The following ZNF653 variants were observed in gnomAD, a reference collection of about 807,000 sequenced individuals.
ZNF653 encodes the protein zinc finger protein 653, also known as 67 kDa zinc finger protein.
A neutral mutation model predicts 59.9 loss-of-function variants in ZNF653; 37 were observed. That is an observed-to-expected ratio of 0.62 (90% CI 0.48 to 0.81). ZNF653 has a LOEUF of 0.81. ZNF653 is among the 40% of genes least tolerant of loss of function. The pLI is 0.00. For missense variants in ZNF653, 808 were observed against 881.1 expected (o/e 0.92, Z 1.05); for synonymous variants, 435 against 371.8 (o/e 1.17, Z -1.96).
chr19:11,487,998 A>ATTTATTTTTTTTT lies in ZNF653; in HGVS notation c.560-96_560-95insAAAAAAAAATAAA. 1 of 1,125,652 alleles carries ATTTATTTTTTTTT rather than the reference A, an allele frequency of 8.9e-7. No individual in the cohort carries two copies. Among genetic ancestry groups the ATTTATTTTTTTTT allele is most frequent in the African/African-American group, 1.8e-5 (1 of 56,146 alleles). The allele number at this position is 1,125,652 out of a possible 1,614,324, so 69.7% of individuals were successfully genotyped here. A position where few individuals can be genotyped will look rare whatever the true frequency, so the allele number is the denominator to read the frequency against. On this transcript the variant is annotated intron_variant, in intron 3 of 8. Transcript: ENST00000293771. The surrounding 1 kb of genome is among the most constrained non-coding windows in gnomAD (Gnocchi z 5.1). The stretch of plus-strand genomic sequence containing the variant: ...TTTTATTTTATTTATTTATTTATTT[A>ATTTATTTTTTTTT]TTTTTTTGAGACAGAGTCTCACTCT...
intron 3 of ZNF653, among the ~76,000 whole-genome samples, chr19:11,490,099 G>A (rs1234141013): frequency 6.6e-6 from 1 of 152,218 alleles, no homozygotes; most frequent in Non-Finnish European, 1.5e-5. Context: ...TACCCTGTAT[G>A]TCTGACCAAT....
rs144312920 is a variant in ZNF653 at position 11,488,842 on chromosome 19, C to T, written c.560-939G>A. ...CGATCTCCTGACCTTATGATCCGCCCACCTCGGCCTCCGAAAGTGCTGGGA... is the reference window on the plus strand; with the variant it reads ...CGATCTCCTGACCTTATGATCCGCCTACCTCGGCCTCCGAAAGTGCTGGGA... On this transcript the variant is annotated intron_variant, in intron 3 of 8. Coordinates refer to ENST00000293771, the MANE Select transcript of ZNF653 (RefSeq NM_138783.4). Among the ~76,000 whole-genome samples the T allele has an allele frequency of 3.3e-5, 5 of 151,906 alleles. No homozygotes were observed. The East Asian group carries it at 9.7e-4, about 29-fold the overall frequency.
chr19:11,493,646 C>T (rs1426804544), intron 3 of ZNF653, among the ~76,000 whole-genome samples: 1 of 152,182 alleles, frequency 6.6e-6, no homozygotes, highest in Admixed American at 6.5e-5. Flanking sequence ...CCAGAGCACG[C>T]GTCTGGGTCC....
intron 7 of ZNF653, 53 bp from the exon 8 acceptor site, chr19:11,484,194 A>C: frequency 7.3e-7 from 1 of 1,363,224 alleles, no homozygotes; most frequent in Non-Finnish European, 1.0e-6. Context: ...GGTGTCTCTG[A>C]TGTGCTGCAG....
chr19:11,484,215 T>TCCTTCTAGCATC, intron 7 of ZNF653, 74 bp from the exon 8 acceptor site: 3 of 1,184,082 alleles, frequency 2.5e-6, no homozygotes, highest in Non-Finnish European at 3.7e-6. Context: ...ACTCTGATGC[T>TCCTTCTAGCATC]AGAAGGAGCA....
chr19:11,502,204 GC>G (rs1291367064), intron 1 of ZNF653, among the ~76,000 whole-genome samples: 4 of 152,016 alleles, frequency 2.6e-5, no homozygotes, highest in Admixed American at 2.0e-4. Flanking sequence ...TGATTCTCCT[GC>G]CTCAGCCTCC....
rs1971583213 is a variant in ZNF653 at position 11,496,004 on chromosome 19, C to G, written c.505G>C (p.Asp169His). ...QCEAGHRYFQ[D>H]LHSPLKPLSD... Reference sequence around the variant, plus strand: ...AGGGGCTTCAGGGGCGAATGCAGGTCCTGGAAGTAGCGGTGGCCAGCTTCG... The same window carrying G: ...AGGGGCTTCAGGGGCGAATGCAGGTGCTGGAAGTAGCGGTGGCCAGCTTCG... The change falls in exon 3 of 9, where the codon GAC becomes CAC. Residue 169 changes from aspartate (D) to histidine (H), a missense_variant. Transcript: ENST00000293771. The G allele has an allele frequency of 6.2e-7, 1 of 1,614,170 alleles. No homozygotes were observed. The highest frequency in any genetic ancestry group is 8.5e-7 in the Non-Finnish European group (1 of 1,180,018).
chr19:11,483,758 C>T lies in ZNF653; in HGVS notation c.1772G>A (p.Cys591Tyr). 1 of 1,613,672 alleles carries T rather than the reference C, an allele frequency of 6.2e-7. No homozygotes were observed. The highest frequency in any genetic ancestry group is 8.5e-7 in the Non-Finnish European group (1 of 1,179,694). The stretch of plus-strand genomic sequence containing the variant: ...GTCCAGCTTCTCGAAGCGCTTCCCG[C>T]AGCGATCGCACGTGAAGTTGTACTG... Reference protein sequence around the residue: ...EVQYNFTCDRCGKRFEKLDSV... With the variant: ...EVQYNFTCDRYGKRFEKLDSV... Residue 591 changes from cysteine (C) to tyrosine (Y), a missense_variant, in exon 9 of 9, where the codon TGC becomes TAC. Transcript: ENST00000293771.
chr19:11,496,030 C>T lies in ZNF653; in HGVS notation c.479G>A (p.Cys160Tyr), dbSNP rs2144945758. ...FGLYTTAVWQ[C>Y]EAGHRYFQDL... The stretch of plus-strand genomic sequence containing the variant: ...CTGGAAGTAGCGGTGGCCAGCTTCG[C>T]ACTGCCACACGGCCGTGGTGTACAG... Residue 160 changes from cysteine (C) to tyrosine (Y), a missense_variant, in exon 3 of 9, where the codon TGC becomes TAC. Transcript: ENST00000293771. 6.2e-7 allele frequency: 1 copy of T among 1,614,190 alleles called. No homozygotes were observed. Among genetic ancestry groups the T allele is most frequent in the East Asian group, 2.2e-5 (1 of 44,884 alleles).
Position 11,496,076 on chromosome 19 carries a change from C to T in ZNF653, c.433G>A (p.Glu145Lys), listed in dbSNP as rs1971584619. 4 of 1,614,152 alleles carry T rather than the reference C, an allele frequency of 2.5e-6. No homozygotes were observed. The highest frequency in any genetic ancestry group is 3.4e-6 in the Non-Finnish European group (4 of 1,180,026). The change falls in exon 3 of 9, where the codon GAG becomes AAG. Residue 145 changes from glutamate (E) to lysine (K), a missense_variant. Physicochemically the swap from Glu to Lys is moderately conservative, Grantham distance 56. Coordinates refer to ENST00000293771, the MANE Select transcript of ZNF653 (RefSeq NM_138783.4). ...TACAGGCCAAAAGTGGGGTCTAGCT[C>T]CGCCAGGTGCGGCTCGTACGGGCAG... ...HRCPYEPHLA[E>K]LDPTFGLYTT...
intron 3 of ZNF653, among the ~76,000 whole-genome samples, chr19:11,488,273 C>T (rs1039281168): frequency 3.3e-5 from 5 of 152,082 alleles, no homozygotes; most frequent in African/African-American, 1.2e-4. Context: ...CCTCAGCCTC[C>T]CGAGTAGCTG....
chr19:11,494,009 CCT>C (rs1458484050), intron 3 of ZNF653, among the ~76,000 whole-genome samples: 1 of 146,856 alleles, frequency 6.8e-6, no homozygotes, highest in Non-Finnish European at 1.5e-5. Context: ...ACCGTGAGAC[CCT>C]GTCTTAAAAA....
rs1485923628 is a variant in ZNF653, at chr19:11,495,350, AGAG to A, written c.559+597_559+599del. 6.6e-6 allele frequency among the ~76,000 whole-genome samples: 1 copy of A among 152,010 alleles called. No individual in the cohort carries two copies. Among genetic ancestry groups the A allele is most frequent in the Non-Finnish European group, 1.5e-5 (1 of 68,012 alleles). On this transcript the variant is annotated intron_variant, in intron 3 of 8. Coordinates refer to ENST00000293771, the MANE Select transcript of ZNF653 (RefSeq NM_138783.4). The surrounding 1 kb of genome is among the most constrained non-coding windows in gnomAD (Gnocchi z 4.9). The stretch of plus-strand genomic sequence containing the variant: ...ATAGAAGGAAACAAGAGAAAGAGAG[AGAG>A]GGAGATGAGACAGAAAATGAAAGAT...
chr19:11,500,134 C>T (rs141071149), intron 1 of ZNF653, among the ~76,000 whole-genome samples: 2 of 152,248 alleles, frequency 1.3e-5, no homozygotes, highest in East Asian at 1.9e-4. Context: ...CTGTCCACCC[C>T]GTCTGACTCC....
In ZNF653 at chr19:11,486,781, G is replaced by A. The variant is rs1354733558; in HGVS notation, c.1443C>T (p.Leu481=). 6.2e-7 allele frequency: 1 copy of A among 1,606,918 alleles called. No individual in the cohort carries two copies. The highest frequency in any genetic ancestry group is 1.7e-5 in the Admixed American group (1 of 59,188). ...YEGCSQVYVA[L]SSFQNHVNLV... ...GTGGCGGCCTCACCTGGAAGCTGCT[G>A]AGGGCCACGTAGACTTGGCTGCAGC... Residue 481 remains leucine (L), a synonymous_variant, in exon 6 of 9, where the codon CTC becomes CTT. Transcript: ENST00000293771.
chr19:11,498,370 G>A (rs546726897), intron 1 of ZNF653, 31 bp from the exon 2 acceptor site: 100 of 1,613,822 alleles, frequency 6.2e-5, no homozygotes, highest in South Asian at 4.8e-4. Flanking sequence ...GAGGGTGAAC[G>A]GGGGACCAGC....
chr19:11,489,472 TAC>T (rs1056250276), intron 3 of ZNF653, among the ~76,000 whole-genome samples: 3 of 152,202 alleles, frequency 2.0e-5, no homozygotes, highest in African/African-American at 7.2e-5. Flanking sequence ...GTGCTGGAAT[TAC>T]AGACATGAGG....
At chr19:11,497,787 CA>C (rs1290573428) in intron 2 of ZNF653, among the ~76,000 whole-genome samples, 2 of 152,292 alleles carry the variant, frequency 1.3e-5, no homozygotes, top group Admixed American at 6.5e-5. Context: ...TTTCCCTCCT[CA>C]ATGCGCTCCT....
At chr19:11,485,632 C>T (rs1217319006) in intron 7 of ZNF653, 24 bp downstream of exon 7, 17 of 1,593,148 alleles carry the variant, frequency 1.1e-5, no homozygotes, top group Middle Eastern at 1.7e-4. Flanking sequence ...CCCGCTCATG[C>T]TGCCAGCTGG....
Sources: gnomAD v4.1 joint callset for allele counts (sites outside exome capture counted in the v4.1 genomes callset) on GRCh38, gnomAD v4.1.1 for gene constraint, Gnocchi (gnomAD v3.1) non-coding constraint, MANE v1.5 for transcripts, NCBI Gene and HGNC (gene_info 2026-07-23, HGNC 2026-07-21) for gene names.